The following MYCBP2 variants were observed in gnomAD, a reference collection of about 807,000 sequenced individuals.
MYCBP2 encodes the protein MYC binding protein 2, also known as E3 ubiquitin-protein ligase MYCBP2.
In MYCBP2, 120 loss-of-function variants were observed where a neutral mutation model predicts 525.3. The observed-to-expected ratio is 0.23, with a 90% CI of 0.20 to 0.27. The LOEUF (loss-of-function observed/expected upper bound fraction) is 0.27, where lower values mean the gene tolerates loss of function less well. Ranked by LOEUF, MYCBP2 falls within the 10% of genes least tolerant of loss-of-function variation. The pLI, the probability that MYCBP2 is intolerant of heterozygous loss-of-function variation, is 1.00. For synonymous variants in MYCBP2, 1,894 were observed against 1,955.8 expected, an observed-to-expected ratio of 0.97 and a Z score of 0.83; for missense variants, 4,149 against 5,657.1, an observed-to-expected ratio of 0.73 and a Z score of 8.55.
At position 77,183,165 on chromosome 13, in the gene MYCBP2, T is replaced by G. The variant is rs188887051; in HGVS notation, c.4720-1243A>C. The stretch of plus-strand genomic sequence containing the variant: ...TGGTTTGATAATATTTTTAAGAGCA[T>G]CTATGTTTCTGAGTGATATTCATCT... On this transcript the variant is annotated intron_variant, in intron 32 of 82. Transcript: ENST00000544440. 1.7e-3 allele frequency among the ~76,000 whole-genome samples: 257 copies of G among 152,346 alleles called. 2 individuals carry two copies. Among genetic ancestry groups the G allele is most frequent in the African/African-American group, 5.9e-3 (247 of 41,574 alleles).
At chr13:77,294,131 C>CATATATATATATAGATATATACAT in intron 2 of MYCBP2, among the ~76,000 whole-genome samples, 1 of 65,692 alleles carries the variant, frequency 1.5e-5, no homozygotes, top group Non-Finnish European at 3.0e-5. Context: ...TATATATATA[C>CATATATATATATAGATATATACAT]ATATATATAT....
In MYCBP2 at chr13:77,326,858, A is replaced by G. The variant is rs2082381789; in HGVS notation, c.-83T>C. ...GCGCGCGCACACACAGCCCTTTTCCAACGACGACGGCTCCGGCGGCGGCCT... is the reference window on the plus strand; with the variant it reads ...GCGCGCGCACACACAGCCCTTTTCCGACGACGACGGCTCCGGCGGCGGCCT... On this transcript the variant is annotated 5_prime_UTR_variant, in exon 1 of 83. Coordinates refer to ENST00000544440, the MANE Select transcript of MYCBP2 (RefSeq NM_015057.5). This position sits in a 1 kb window ranked among gnomAD's most constrained non-coding sequence, Gnocchi z 4.2. 1.6e-6 allele frequency: 2 copies of G among 1,279,092 alleles called. No individual in the cohort carries two copies. The highest frequency in any genetic ancestry group is 4.3e-5 in the South Asian group (2 of 46,162). The allele number at this position is 1,279,092 out of a possible 1,614,324, so 79.2% of individuals were successfully genotyped here.
In MYCBP2 at chr13:77,233,229, G is replaced by A; in HGVS notation, c.2664C>T (p.Asn888=). 6.2e-7 allele frequency: 1 copy of A among 1,613,790 alleles called. No homozygotes were observed. The highest frequency in any genetic ancestry group is 1.1e-5 in the South Asian group (1 of 91,044). ...GTCTGGCTAGAGCCTGTTCTCGATGGTTCATAAAAATAGGACCAGCAAATA... is the reference window on the plus strand; with the variant it reads ...GTCTGGCTAGAGCCTGTTCTCGATGATTCATAAAAATAGGACCAGCAAATA... ...PLVFAGPIFM[N]HREQALARLR... is the part of the protein sequence containing the mutation. Residue 888 remains asparagine, a synonymous_variant, in exon 18 of 83, where the codon AAC becomes AAT. Transcript: ENST00000544440.
chr13:77,176,025 T>G (rs949282155), intron 36 of MYCBP2, among the ~76,000 whole-genome samples: 2 of 151,006 alleles, frequency 1.3e-5, no homozygotes, highest in South Asian at 2.1e-4. Flanking sequence ...AACACTTTTT[T>G]TTTTTTTTAA....
chr13:77,167,012 CA>C (rs1566780981), intron 40 of MYCBP2, among the ~76,000 whole-genome samples: 3,810 of 150,840 alleles, frequency 0.025, 184 homozygotes, highest in African/African-American at 0.087. Context: ...CACACACACA[CA>C]CACACACACA....
intron 17 of MYCBP2, among the ~76,000 whole-genome samples, chr13:77,242,447 A>G (rs1248692569): frequency 1.3e-5 from 2 of 152,318 alleles, no homozygotes; most frequent in East Asian, 3.9e-4. Flanking sequence ...GAAACTTTTA[A>G]GCTCATAAAC....
At chr13:77,070,497 A>T (rs2041004902) in intron 69 of MYCBP2, 134 bp downstream of exon 69, 2 of 536,340 alleles carry the variant, frequency 3.7e-6, no homozygotes, top group Admixed American at 6.0e-5. Flanking sequence ...TTTTTCTTCA[A>T]ATATGGCCCA....
At chr13:77,075,070 C>A (rs559176133) in intron 68 of MYCBP2, among the ~76,000 whole-genome samples, 3 of 152,006 alleles carry the variant, frequency 2.0e-5, no homozygotes, top group African/African-American at 7.2e-5. Flanking sequence ...CAGCTGGGCA[C>A]GGTGACGTGC....
intron 26 of MYCBP2, among the ~76,000 whole-genome samples, chr13:77,202,200 A>G (rs1421461116): frequency 6.6e-6 from 1 of 152,258 alleles, no homozygotes; most frequent in Non-Finnish European, 1.5e-5. Flanking sequence ...AAAAAATGAT[A>G]AAGGGGATAT....
At position 77,326,988 on chromosome 13, in the gene MYCBP2, T is replaced by C; in HGVS notation, c.-213A>G. The C allele has an allele frequency of 2.2e-6, 1 of 458,890 alleles. No homozygotes were observed. The highest frequency in any genetic ancestry group is 3.7e-6 in the Non-Finnish European group (1 of 271,088). The allele number at this position is 458,890 out of a possible 1,614,324, so 28.4% of individuals were successfully genotyped here. On this transcript the variant is annotated 5_prime_UTR_variant, in exon 1 of 83. An upstream start codon of the reference 5' UTR is lost. Transcript: ENST00000544440. This position sits in a 1 kb window ranked among gnomAD's most constrained non-coding sequence, Gnocchi z 4.2. ...CCCTCGCCGCTACTGGGGCCGCTCA[T>C]CTAACCCCGCCACCCCGGGAATGTG... is the stretch of plus-strand genomic sequence containing the variant.
At position 77,156,171 on chromosome 13, in the gene MYCBP2, G is replaced by A; in HGVS notation, c.6802C>T (p.Gln2268Ter). The A allele has an allele frequency of 2.5e-6, 4 of 1,613,792 alleles. No homozygotes were observed. The highest frequency in any genetic ancestry group is 3.4e-6 in the Non-Finnish European group (4 of 1,179,824). The change falls in exon 46 of 83, where the codon CAG becomes TAG. Residue 2268 changes from glutamine to a stop codon, truncating the protein, a stop_gained. Coordinates refer to ENST00000544440, the MANE Select transcript of MYCBP2 (RefSeq NM_015057.5). LOFTEE classifies it high-confidence loss of function. ...WLQPDSYADPQKTSLILNKDD... is the reference protein window; with the variant it reads ...WLQPDSYADP ...TTATTCAGGATCAAAGATGTTTTCT[G>A]AGGATCCGCATATGAATCTGGCTGA...
intron 40 of MYCBP2, among the ~76,000 whole-genome samples, chr13:77,168,001 A>T (rs1202875506): frequency 6.6e-6 from 1 of 152,248 alleles, no homozygotes; most frequent in Non-Finnish European, 1.5e-5. Flanking sequence ...TAAACATTTT[A>T]TACATAGTTT....
At chr13:77,313,588 A>G (rs1199545039) in intron 1 of MYCBP2, among the ~76,000 whole-genome samples, 7 of 152,092 alleles carry the variant, frequency 4.6e-5, no homozygotes, top group Non-Finnish European at 1.5e-5. Context: ...ACCAAGGTAC[A>G]ATCCATTAAA....
chr13:77,157,332 C>A (rs1302043880), intron 45 of MYCBP2, among the ~76,000 whole-genome samples: 1 of 152,186 alleles, frequency 6.6e-6, no homozygotes, highest in Non-Finnish European at 1.5e-5. Context: ...TTGAGCAATC[C>A]TTCCACCTCA....
At chr13:77,142,587 T>C (rs1370933711) in intron 49 of MYCBP2, among the ~76,000 whole-genome samples, 1 of 152,242 alleles carries the variant, frequency 6.6e-6, no homozygotes, top group African/African-American at 2.4e-5. Context: ...ATCTCCACCC[T>C]GTTTCTCTCT....
chr13:77,157,499 C>T (rs9600825), intron 45 of MYCBP2, among the ~76,000 whole-genome samples: 4,060 of 152,282 alleles, frequency 0.027, 194 homozygotes, highest in African/African-American at 0.091. Flanking sequence ...GCTGGGATTA[C>T]AGGCATGAGC....
rs1180537831 is a variant in MYCBP2 at position 77,097,743 on chromosome 13, T to A, written c.9411A>T (p.Lys3137Asn). ...PPLHEKCEDG[K>N]TETTFEMSMH... is the part of the protein sequence containing the mutation. ...TGGACATTTCAAAAGTGGTCTCGGTTTTCCCATCCTCACATTTTTCATGCA... is the reference window on the plus strand; with the variant it reads ...TGGACATTTCAAAAGTGGTCTCGGTATTCCCATCCTCACATTTTTCATGCA... Residue 3137 changes from lysine (K) to asparagine (N), a missense_variant, in exon 56 of 83, where the codon AAA becomes AAT. By Grantham distance (94) the Lys-to-Asn change is moderately conservative. Coordinates refer to ENST00000544440, the MANE Select transcript of MYCBP2 (RefSeq NM_015057.5). 1 of 1,613,506 alleles carries A rather than the reference T, an allele frequency of 6.2e-7. No individual in the cohort carries two copies. The highest frequency in any genetic ancestry group is 8.5e-7 in the Non-Finnish European group (1 of 1,179,794).
intron 1 of MYCBP2, among the ~76,000 whole-genome samples, chr13:77,303,395 C>T (rs1386106885): frequency 6.6e-6 from 1 of 152,160 alleles, no homozygotes; most frequent in African/African-American, 2.4e-5. Flanking sequence ...CATACAGAAA[C>T]ATATCCAACA....
intron 26 of MYCBP2, among the ~76,000 whole-genome samples, chr13:77,199,877 C>T (rs923427019): frequency 4.6e-5 from 7 of 152,152 alleles, no homozygotes; most frequent in African/African-American, 1.7e-4. Context: ...ACATCCACAC[C>T]AAAAACCCAT....
Sources: gnomAD v4.1 joint callset for allele counts (sites outside exome capture counted in the v4.1 genomes callset) on GRCh38, gnomAD v4.1.1 for gene constraint, Gnocchi (gnomAD v3.1) non-coding constraint, MANE v1.5 for transcripts, NCBI Gene and HGNC (gene_info 2026-07-23, HGNC 2026-07-21) for gene names.